OPRM1: variants seen among roughly 807,000 people sequenced by gnomAD.
OPRM1 encodes mu-type opioid receptor.
Under a neutral mutation model 31.8 loss-of-function variants are expected in OPRM1, and 27 were observed. That is an observed-to-expected ratio of 0.85 (90% confidence interval 0.63 to 1.17). OPRM1 has a LOEUF of 1.17. Ranked by LOEUF, OPRM1 falls within the 50% of genes most tolerant of loss-of-function variation. The pLI, the probability that OPRM1 is intolerant of heterozygous loss-of-function variation, is 0.00. For missense variants in OPRM1, 536 were observed against 511.1 expected, an observed-to-expected ratio of 1.05 and a Z score of -0.47; for synonymous variants, 196 against 189.9, an observed-to-expected ratio of 1.03 and a Z score of -0.26.
rs776136782 is a variant in OPRM1 at position 154,089,977 on chromosome 6, A to G, written c.442A>G (p.Ile148Val). 3 of 1,613,358 alleles carry G rather than the reference A, an allele frequency of 1.9e-6. No homozygotes were observed. The highest frequency in any genetic ancestry group is 4.5e-5 in the East Asian group (2 of 44,874). Residue 148 changes from isoleucine to valine, a missense_variant, in exon 2 of 4, where the codon ATA (isoleucine) becomes GTA (valine). Coordinates refer to ENST00000330432, the MANE Select transcript of OPRM1 (RefSeq NM_000914.5). ...GTILCKIVIS[I>V]DYYNMFTSIF... The stretch of plus-strand genomic sequence containing the variant: ...CATCCTTTGCAAGATAGTGATCTCC[A>G]TAGATTACTATAACATGTTCACCAG...
intron 3 of OPRM1, among the ~76,000 whole-genome samples, chr6:154,114,119 A>G (rs1225331372): frequency 6.6e-6 from 1 of 152,174 alleles, no homozygotes. Flanking sequence ...TTTCTAATCA[A>G]CTTGTACATA....
At chr6:154,116,844 T>C (rs1043088807) in intron 3 of OPRM1, among the ~76,000 whole-genome samples, 2 of 152,212 alleles carry the variant, frequency 1.3e-5, no homozygotes, top group African/African-American at 4.8e-5. Flanking sequence ...CTCTGTCTGC[T>C]GATCCAAGCA....
intron 3 of OPRM1, among the ~76,000 whole-genome samples, chr6:154,105,754 C>G (rs61290733): frequency 0.012 from 1,837 of 152,246 alleles, 39 homozygotes; most frequent in African/African-American, 0.043. Context: ...CACATTTATG[C>G]AAATATAGTC....
chr6:154,163,953 AAGTT>A (rs1266415922), intron 3 of OPRM1, among the ~76,000 whole-genome samples: 1 of 152,194 alleles, frequency 6.6e-6, no homozygotes, highest in African/African-American at 2.4e-5. Context: ...TGTTTATAGA[AAGTT>A]AGGCAGGGCC....
At chr6:154,027,635 C>T (rs1778774932) in intron 1 of OPRM1, among the ~76,000 whole-genome samples, 1 of 152,214 alleles carries the variant, frequency 6.6e-6, no homozygotes, top group Non-Finnish European at 1.5e-5. Context: ...AGTCAAAAAC[C>T]TTAGAACTCT....
downstream of OPRM1, among the ~76,000 whole-genome samples, chr6:154,136,304 G>A (rs907609474): frequency 3.3e-5 from 5 of 152,066 alleles, no homozygotes; most frequent in South Asian, 6.2e-4. Context: ...CCCTGACTGC[G>A]CCATGGTTTC....
At chr6:154,041,170 C>G (rs911603829) in intron 1 of OPRM1, among the ~76,000 whole-genome samples, 6 of 152,068 alleles carry the variant, frequency 3.9e-5, no homozygotes, top group African/African-American at 1.4e-4. Flanking sequence ...ACTCATCTGT[C>G]TGATTTCTTT....
At chr6:154,167,979 T>C in intron 3 of OPRM1, 1 of 1,610,804 alleles carries the variant, frequency 6.2e-7, no homozygotes, top group East Asian at 2.2e-5. Context: ...GATGGATTTT[T>C]ACACCGCTTA....
At chr6:154,190,330 A>G (rs1288111682) in intron 3 of OPRM1, among the ~76,000 whole-genome samples, 1 of 152,252 alleles carries the variant, frequency 6.6e-6, no homozygotes, top group Non-Finnish European at 1.5e-5. Context: ...GAAAGTATAT[A>G]CAAAAATTAA....
intron 1 of OPRM1, among the ~76,000 whole-genome samples, chr6:154,024,308 T>C (rs1245721588): frequency 2.6e-5 from 4 of 152,074 alleles, no homozygotes; most frequent in African/African-American, 9.6e-5. Flanking sequence ...TCCTCTAGAT[T>C]TCCCTATTTC....
At chr6:154,021,977 T>C (rs544094842) in intron 1 of OPRM1, among the ~76,000 whole-genome samples, 1 of 152,226 alleles carries the variant, frequency 6.6e-6, no homozygotes, top group Non-Finnish European at 1.5e-5. Flanking sequence ...TCTTATTGCA[T>C]TAGCTAGGAC....
intron 3 of OPRM1, among the ~76,000 whole-genome samples, chr6:154,191,319 T>C (rs1042086140): frequency 6.6e-6 from 1 of 152,132 alleles, no homozygotes; most frequent in African/African-American, 2.4e-5. Flanking sequence ...ACTGTATTAG[T>C]GGATACATGA....
At chr6:154,049,457 G>T (rs1349142820) in intron 1 of OPRM1, among the ~76,000 whole-genome samples, 2 of 152,124 alleles carry the variant, frequency 1.3e-5, no homozygotes, top group Admixed American at 1.3e-4. Flanking sequence ...CTCTATACAT[G>T]TCCACACAGG....
At chr6:154,030,585 T>C (rs1778951620) in intron 1 of OPRM1, among the ~76,000 whole-genome samples, 1 of 152,166 alleles carries the variant, frequency 6.6e-6, no homozygotes, top group Non-Finnish European at 1.5e-5. Flanking sequence ...CAGTTGACTT[T>C]CCCAGTAGCA....
intron 3 of OPRM1, among the ~76,000 whole-genome samples, chr6:154,199,354 A>G (rs1776891907): frequency 6.6e-6 from 1 of 152,274 alleles, no homozygotes; most frequent in African/African-American, 2.4e-5. Flanking sequence ...GCTCCAGCGC[A>G]TGGGACATGG....
chr6:154,062,407 G>C (rs1784594729), intron 1 of OPRM1, among the ~76,000 whole-genome samples: 1 of 152,048 alleles, frequency 6.6e-6, no homozygotes, highest in Non-Finnish European at 1.5e-5. Flanking sequence ...TTAATAACCT[G>C]TATTGCACTA....
intron 1 of OPRM1, among the ~76,000 whole-genome samples, chr6:154,052,002 A>AG (rs1782295928): frequency 1.3e-5 from 2 of 152,254 alleles, no homozygotes; most frequent in South Asian, 4.1e-4. Flanking sequence ...CAGCCATAAA[A>AG]AAGAATAAGA....
chr6:154,108,161 A>T, intron 3 of OPRM1: 1 of 439,684 alleles, frequency 2.3e-6, no homozygotes, highest in Non-Finnish European at 4.1e-6. Context: ...CATAAAGGAA[A>T]TTTTTTTTTT....
chr6:154,047,123 G>GTATGAA (rs1781260912), intron 1 of OPRM1, among the ~76,000 whole-genome samples: 1 of 152,184 alleles, frequency 6.6e-6, no homozygotes, highest in Non-Finnish European at 1.5e-5. Context: ...TGCTTCGAGA[G>GTATGAA]TACAGGCAAG....
Sources: allele counts gnomAD v4.1 joint callset (sites outside exome capture counted in the v4.1 genomes callset), GRCh38; gene constraint gnomAD v4.1.1; transcripts MANE v1.5; gene names NCBI Gene and HGNC (gene_info 2026-07-23, HGNC 2026-07-21).